Variants in BFAR observed in about 807,000 individuals in gnomAD.
BFAR encodes bifunctional apoptosis regulator.
BFAR carries 52 observed loss-of-function variants against 54.4 expected under a neutral mutation model. The ratio of observed to expected loss-of-function variants is 0.96; its 90% CI spans 0.77 to 1.21. BFAR has a LOEUF of 1.21. Among genes scored for constraint, BFAR ranks in the 50% most tolerant of loss-of-function variants. The pLI is 0.00. For synonymous variants in BFAR, 215 were observed against 204.3 expected (o/e 1.05, Z -0.45); for missense variants, 571 against 534.0 (o/e 1.07, Z -0.68).
rs1432111031 is a variant in BFAR, at chr16:14,667,421, G to T, written c.1161-214G>T. On this transcript the variant is annotated intron_variant, in intron 7 of 7. Coordinates refer to ENST00000261658, the MANE Select transcript of BFAR (RefSeq NM_016561.3). Reference sequence around the variant, plus strand: ...GGCTGTCACAGGGAGGCCTTGCCCAGTGTGGGGGCAAAGAAGCTCCCTGTA... The same window carrying T: ...GGCTGTCACAGGGAGGCCTTGCCCATTGTGGGGGCAAAGAAGCTCCCTGTA... 1.7e-5 allele frequency: 9 copies of T among 525,090 alleles called. No homozygotes were observed. In the South Asian group the frequency reaches 2.1e-4, roughly 12 times the overall value. The allele number at this position is 525,090 out of a possible 1,614,324, so 32.5% of individuals were successfully genotyped here.
chr16:14,638,367 G>C (rs912387181), intron 1 of BFAR, among the ~76,000 whole-genome samples: 11 of 152,192 alleles, frequency 7.2e-5, no homozygotes, highest in Non-Finnish European at 1.6e-4. Context: ...CTGGGCAACA[G>C]AGTGAGACCC....
chr16:14,659,225 G>GTTTTTTTTTT lies in BFAR; in HGVS notation c.784-2659_784-2658insTTTTTTTTTT, dbSNP rs1295639386. Among the ~76,000 whole-genome samples the GTTTTTTTTTT allele has an allele frequency of 5.0e-5, 7 of 141,302 alleles. 1 individual carries two copies. The highest frequency in any genetic ancestry group is 7.8e-5 in the Non-Finnish European group (5 of 64,302). 92.7% of individuals were successfully genotyped at this position (141,302 alleles called of 152,430 possible). On this transcript the variant is annotated intron_variant, in intron 5 of 7. Coordinates refer to ENST00000261658, the MANE Select transcript of BFAR (RefSeq NM_016561.3). ...TGCCCAGCCTGTAGTATGCAATTTG[G>GTTTTTTTTTT]TTTTTTTTGTTTTTTTTTGTTTTTT...
intron 2 of BFAR, 86 bp downstream of exon 2, chr16:14,644,695 TG>T: frequency 6.9e-7 from 1 of 1,441,862 alleles, no homozygotes; most frequent in Non-Finnish European, 9.4e-7. Context: ...TTAACAGAGA[TG>T]GCGTCTCGCT....
At chr16:14,635,333 T>C (rs1189458634) in intron 1 of BFAR, among the ~76,000 whole-genome samples, 1 of 152,132 alleles carries the variant, frequency 6.6e-6, no homozygotes, top group Non-Finnish European at 1.5e-5. Flanking sequence ...AGACTCAGTC[T>C]CAAAGACATA....
rs756936432 is a variant in BFAR at position 14,655,121 on chromosome 16, A to G, written c.694A>G (p.Asn232Asp). Residue 232 changes from asparagine to aspartate, a missense_variant, in exon 5 of 8, where the codon AAC becomes GAC. Coordinates refer to ENST00000261658, the MANE Select transcript of BFAR (RefSeq NM_016561.3). Reference protein sequence around the residue: ...EFSKTPYTIENSSHRRAILME... With the variant: ...EFSKTPYTIEDSSHRRAILME... ...TTCCAAGACGCCCTATACCATAGAA[A>G]ACAGCAGCCACAGGAGAGCCATCCT... is the stretch of plus-strand genomic sequence containing the variant. The G allele has an allele frequency of 1.9e-6, 3 of 1,612,636 alleles. No individual in the cohort carries two copies. The highest frequency in any genetic ancestry group is 1.7e-6 in the Non-Finnish European group (2 of 1,179,368).
intron 1 of BFAR, among the ~76,000 whole-genome samples, chr16:14,635,980 C>T (rs572350142): frequency 5.3e-5 from 8 of 152,266 alleles, no homozygotes; most frequent in African/African-American, 1.2e-4. Flanking sequence ...GTTCTGTTTG[C>T]GGTTCCTGAA....
chr16:14,651,903 T>G (rs1421377142), intron 4 of BFAR, among the ~76,000 whole-genome samples: 1 of 149,546 alleles, frequency 6.7e-6, no homozygotes, highest in African/African-American at 2.5e-5. Context: ...TTTTTTTTTT[T>G]TTAGATGGAG....
chr16:14,648,856 T>C (rs950003346), intron 3 of BFAR, among the ~76,000 whole-genome samples: 15 of 152,136 alleles, frequency 9.9e-5, no homozygotes, highest in African/African-American at 3.6e-4. Flanking sequence ...TAATACAATC[T>C]TTTTTTGTTT....
intron 4 of BFAR, among the ~76,000 whole-genome samples, chr16:14,652,656 C>T (rs780913270): frequency 6.6e-6 from 1 of 152,120 alleles, no homozygotes; most frequent in East Asian, 1.9e-4. Flanking sequence ...TCCTACTCTT[C>T]AGAAAACAAT....
intron 2 of BFAR, among the ~76,000 whole-genome samples, chr16:14,646,751 G>A (rs1239577301): frequency 2.0e-5 from 3 of 152,232 alleles, no homozygotes; most frequent in East Asian, 1.9e-4. Flanking sequence ...GCCCGCCTCA[G>A]CCTCCCAAAG....
chr16:14,653,877 T>C (rs1331207948), intron 4 of BFAR, among the ~76,000 whole-genome samples: 2 of 151,806 alleles, frequency 1.3e-5, no homozygotes, highest in East Asian at 3.9e-4. Flanking sequence ...CTGGCTAATT[T>C]TTCTGGAGAG....
chr16:14,655,548 C>G (rs1960107107), intron 5 of BFAR, among the ~76,000 whole-genome samples: 1 of 151,462 alleles, frequency 6.6e-6, no homozygotes. Context: ...ATTCTCCTAC[C>G]CCAGCCTCAC....
Position 14,667,649 on chromosome 16 carries a change from G to C in BFAR, c.1175G>C (p.Arg392Thr). The C allele has an allele frequency of 6.2e-7, 1 of 1,614,024 alleles. No individual in the cohort carries two copies. Among genetic ancestry groups the C allele is most frequent in the Non-Finnish European group, 8.5e-7 (1 of 1,179,966 alleles). The part of the protein sequence containing the change: ...SRSELKTVPQ[R>T]MWSHFWKVST... ...TCTTGTTTCAGGACCGTGCCTCAGA[G>C]GATGTGGAGCCATTTCTGGAAAGTA... Residue 392 changes from arginine (R) to threonine (T), a missense_variant, in exon 8 of 8, where the codon AGG becomes ACG. Physicochemically the swap from Arg to Thr is moderately conservative, Grantham distance 71. Coordinates refer to ENST00000261658, the MANE Select transcript of BFAR (RefSeq NM_016561.3).
At chr16:14,660,345 G>A (rs1009193311) in intron 5 of BFAR, among the ~76,000 whole-genome samples, 7 of 152,000 alleles carry the variant, frequency 4.6e-5, no homozygotes, top group Non-Finnish European at 7.4e-5. Flanking sequence ...GGATTTCAAT[G>A]GCAAGATCTT....
rs552111150 is a variant in BFAR at position 14,647,364 on chromosome 16, C to A, written c.264-1024C>A. On this transcript the variant is annotated intron_variant, in intron 2 of 7. Transcript: ENST00000261658. The stretch of plus-strand genomic sequence containing the variant: ...CCTCCCAAAGTGCTGGGATTACAGG[C>A]GTGAGCCACCACGCCCGGCTTAAAA... Among the ~76,000 whole-genome samples, 5 of 152,104 alleles carry A rather than the reference C, an allele frequency of 3.3e-5. No individual in the cohort carries two copies. In the East Asian group the frequency reaches 9.8e-4, roughly 30 times the overall value.
At chr16:14,654,792 G>A (rs776943307) in intron 4 of BFAR, among the ~76,000 whole-genome samples, 1 of 152,162 alleles carries the variant, frequency 6.6e-6, no homozygotes, top group Non-Finnish European at 1.5e-5. Context: ...ACTGCACCCA[G>A]CCAAAGCGAG....
At chr16:14,666,035 A>G (rs1332305912) in intron 7 of BFAR, among the ~76,000 whole-genome samples, 1 of 152,146 alleles carries the variant, frequency 6.6e-6, no homozygotes, top group Non-Finnish European at 1.5e-5. Context: ...TTTCTGCCTC[A>G]GGCATCTCTC....
At chr16:14,635,922 C>A (rs1341188240) in intron 1 of BFAR, among the ~76,000 whole-genome samples, 1 of 152,108 alleles carries the variant, frequency 6.6e-6, no homozygotes, top group Non-Finnish European at 1.5e-5. Context: ...GAGCCACTGC[C>A]CCGGCCTAAT....
At chr16:14,661,762 G>C in intron 5 of BFAR, 130 bp from the exon 6 acceptor site, 1 of 1,006,026 alleles carries the variant, frequency 9.9e-7, no homozygotes, top group South Asian at 1.6e-5. Flanking sequence ...TCTTCTTGCC[G>C]TTCATTCATT....
Sources: allele counts gnomAD v4.1 joint callset (sites outside exome capture counted in the v4.1 genomes callset), GRCh38; gene constraint gnomAD v4.1.1; transcripts MANE v1.5; gene names NCBI Gene and HGNC (gene_info 2026-07-23, HGNC 2026-07-21).